Variants in HIRA observed in about 807,000 individuals in gnomAD.
HIRA encodes the protein histone cell cycle regulator, also known as protein HIRA.
A neutral mutation model predicts 126.6 loss-of-function variants in HIRA; 13 were observed. That is an observed-to-expected ratio of 0.10 (90% CI 0.07 to 0.16). The LOEUF (loss-of-function observed/expected upper bound fraction) is 0.16, where lower values mean the gene tolerates loss of function less well. Among genes scored for constraint, HIRA ranks in the 10% least tolerant of loss-of-function variants. The probability of loss-of-function intolerance (pLI) is 1.00; values close to 1 mark genes in which losing one functional copy is unlikely to be tolerated. For synonymous variants in HIRA, 511 were observed against 520.0 expected, an observed-to-expected ratio of 0.98 and a Z score of 0.24; for missense variants, 834 against 1,314.4, an observed-to-expected ratio of 0.63 and a Z score of 5.65.
intron 23 of HIRA, among the ~76,000 whole-genome samples, chr22:19,352,360 G>A (rs920816647): frequency 2.6e-5 from 4 of 152,094 alleles, no homozygotes; most frequent in South Asian, 2.1e-4. Context: ...CAGGGAAGAC[G>A]TGACTAGAGC....
At chr22:19,421,048 A>G (rs1373602459) in intron 1 of HIRA, among the ~76,000 whole-genome samples, 1 of 152,230 alleles carries the variant, frequency 6.6e-6, no homozygotes, top group Non-Finnish European at 1.5e-5. Context: ...CTGTAATCCC[A>G]GCACTTTGGG....
chr22:19,343,228 T>C (rs1246958248), intron 24 of HIRA, among the ~76,000 whole-genome samples: 2 of 152,026 alleles, frequency 1.3e-5, no homozygotes, highest in Non-Finnish European at 2.9e-5. Context: ...AATAAGATTA[T>C]CAGCATAGTC....
chr22:19,373,631 G>A (rs1325287020), intron 15 of HIRA, among the ~76,000 whole-genome samples: 1 of 152,164 alleles, frequency 6.6e-6, no homozygotes, highest in African/African-American at 2.4e-5. Flanking sequence ...AACTGGCCCT[G>A]AATCCACATG....
chr22:19,356,925 G>A lies in HIRA; in HGVS notation c.2361C>T (p.Val787=). ...ISTLHCTGSY[V]MALTAAATLS... ...GTGTGGCTGCAGCGGTGAGCGCCATGACGTAGGAGCCTGTGCAATGCAAAG... is the reference window on the plus strand; with the variant it reads ...GTGTGGCTGCAGCGGTGAGCGCCATAACGTAGGAGCCTGTGCAATGCAAAG... The change falls in exon 19 of 25, where the codon GTC becomes GTT. Residue 787 remains valine (V), a synonymous_variant. Coordinates refer to ENST00000263208, the MANE Select transcript of HIRA (RefSeq NM_003325.4). 6.2e-7 allele frequency: 1 copy of A among 1,613,964 alleles called. No individual in the cohort carries two copies. Among genetic ancestry groups the A allele is most frequent in the Non-Finnish European group, 8.5e-7 (1 of 1,180,012 alleles).
intron 11 of HIRA, among the ~76,000 whole-genome samples, chr22:19,386,922 G>T (rs1302108476): frequency 1.3e-5 from 2 of 152,226 alleles, no homozygotes; most frequent in Admixed American, 6.5e-5. Context: ...TAGTGGGGAG[G>T]TCACACTGTA....
intron 11 of HIRA, among the ~76,000 whole-genome samples, chr22:19,387,319 C>T (rs1270561221): frequency 6.6e-6 from 1 of 152,202 alleles, no homozygotes; most frequent in Non-Finnish European, 1.5e-5. Flanking sequence ...AAAACACATT[C>T]CCAGAGCCTG....
At chr22:19,366,983 G>C (rs1384377434) in intron 15 of HIRA, among the ~76,000 whole-genome samples, 1 of 152,120 alleles carries the variant, frequency 6.6e-6, no homozygotes, top group Non-Finnish European at 1.5e-5. Flanking sequence ...AGCTGGTCTT[G>C]AGCTCCTGAC....
At chr22:19,392,009 G>C in intron 9 of HIRA, 92 bp downstream of exon 9, 3 of 669,120 alleles carry the variant, frequency 4.5e-6, no homozygotes, top group Non-Finnish European at 7.9e-6. Context: ...TACACTCTTA[G>C]CATCACCCAA....
At chr22:19,405,380 C>A in intron 5 of HIRA, 2 of 505,326 alleles carry the variant, frequency 4.0e-6, no homozygotes, top group African/African-American at 4.2e-5. Flanking sequence ...TAAAACACTG[C>A]AAACATACTC....
chr22:19,430,672 C>G (rs1487675728), intron 1 of HIRA, among the ~76,000 whole-genome samples: 1 of 151,970 alleles, frequency 6.6e-6, no homozygotes, highest in Admixed American at 6.6e-5. Context: ...TTCATCTACC[C>G]GGGGAGCAAA....
chr22:19,355,456 A>G (rs2088802235), intron 21 of HIRA, among the ~76,000 whole-genome samples: 1 of 152,198 alleles, frequency 6.6e-6, no homozygotes, highest in African/African-American at 2.4e-5. Flanking sequence ...ACCTATGCTC[A>G]TGGTGGCTAA....
At chr22:19,397,895 T>G (rs531894061) in intron 6 of HIRA, 97 bp downstream of exon 6, 1 of 756,606 alleles carries the variant, frequency 1.3e-6, no homozygotes, top group Admixed American at 2.2e-5. Flanking sequence ...CTGTGACACA[T>G]CTGTTGCCAC....
At chr22:19,399,991 C>T (rs2089254529) in intron 5 of HIRA, among the ~76,000 whole-genome samples, 1 of 152,148 alleles carries the variant, frequency 6.6e-6, no homozygotes, top group Non-Finnish European at 1.5e-5. Context: ...ATGCAAACGC[C>T]AGGACAGCAG....
intron 1 of HIRA, among the ~76,000 whole-genome samples, chr22:19,417,201 AAAAAGAAAAG>A (rs149384804): frequency 3.9e-5 from 6 of 152,132 alleles, no homozygotes; most frequent in South Asian, 4.1e-4. Flanking sequence ...CTCTGTCTCA[AAAAAGAAAAG>A]AAAAGAAAAG....
intron 2 of HIRA, 26 bp from the exon 3 acceptor site, chr22:19,408,619 G>T: frequency 7.7e-7 from 1 of 1,306,652 alleles, no homozygotes. Context: ...AGAAATGGCT[G>T]AATGTGCAAG....
intron 4 of HIRA, 83 bp from the exon 5 acceptor site, chr22:19,405,963 G>T: frequency 1.1e-6 from 1 of 873,344 alleles, no homozygotes; most frequent in Admixed American, 3.4e-5. Context: ...AGCTTATCAG[G>T]GCACACAGAA....
rs189542804 is a variant in HIRA, at chr22:19,366,605, T to C, written c.1776-4674A>G. ...CATGTGGTGGAAACAGTAAGAGAACTAGAAGTAAAGCCTGAAGATGGGACT... is the reference window on the plus strand; with the variant it reads ...CATGTGGTGGAAACAGTAAGAGAACCAGAAGTAAAGCCTGAAGATGGGACT... On this transcript the variant is annotated intron_variant, in intron 15 of 24. Coordinates refer to ENST00000263208, the MANE Select transcript of HIRA (RefSeq NM_003325.4). 1.3e-4 allele frequency among the ~76,000 whole-genome samples: 20 copies of C among 152,246 alleles called. No homozygotes were observed. The East Asian group carries it at 3.7e-3, about 28-fold the overall frequency.
In HIRA at chr22:19,383,409, C is replaced by T. The variant is rs552410588; in HGVS notation, c.1415+211G>A. ...GATGTGCTGGCCGCCTTAGCACTCC[C>T]ACCCCTCACATGATTCAGGTGTGCA... On this transcript the variant is annotated intron_variant, in intron 13 of 24. Transcript: ENST00000263208. Among the ~76,000 whole-genome samples the T allele has an allele frequency of 2.0e-5, 3 of 152,322 alleles. No individual in the cohort carries two copies. In the South Asian group the frequency reaches 6.2e-4, roughly 32 times the overall value.
At chr22:19,395,664 C>G (rs553329170) in intron 7 of HIRA, among the ~76,000 whole-genome samples, 15 of 152,308 alleles carry the variant, frequency 9.8e-5, no homozygotes, top group African/African-American at 3.6e-4. Context: ...CCTCATGTGT[C>G]CCTCGCTCTG....
Sources: gnomAD v4.1 joint callset for allele counts (sites outside exome capture counted in the v4.1 genomes callset) on GRCh38, gnomAD v4.1.1 for gene constraint, MANE v1.5 for transcripts, NCBI Gene and HGNC (gene_info 2026-07-23, HGNC 2026-07-21) for gene names.